TNIK: variants seen among roughly 807,000 people sequenced by gnomAD.
TNIK encodes the protein TRAF2 and NCK interacting kinase.
Under a neutral mutation model 191.3 loss-of-function variants are expected in TNIK, and 49 were observed. The observed-to-expected ratio is 0.26, with a 90% CI of 0.20 to 0.32. The LOEUF (loss-of-function observed/expected upper bound fraction) is 0.32. Ranked by LOEUF, TNIK falls within the 10% of genes least tolerant of loss-of-function variation. The probability of loss-of-function intolerance (pLI) is 1.00; values close to 1 mark genes in which losing one functional copy is unlikely to be tolerated. For synonymous variants in TNIK, 594 were observed against 600.9 expected (o/e 0.99, Z 0.17); for missense variants, 1,155 against 1,702.3 (o/e 0.68, Z 5.66).
At chr3:171,227,130 T>G (rs905120851) in intron 3 of TNIK, among the ~76,000 whole-genome samples, 1 of 152,194 alleles carries the variant, frequency 6.6e-6, no homozygotes, top group East Asian at 1.9e-4. Context: ...ATGCCTTTGA[T>G]GTCCAGTGAA....
At chr3:171,234,519 A>G (rs776127752) in intron 2 of TNIK, among the ~76,000 whole-genome samples, 15 of 152,174 alleles carry the variant, frequency 9.9e-5, no homozygotes, top group Non-Finnish European at 2.2e-4. Context: ...CCTCTGAGTG[A>G]CAGAAAATGG....
At chr3:171,172,468 TTAAAG>T (rs1340938079) in intron 9 of TNIK, among the ~76,000 whole-genome samples, 2 of 152,218 alleles carry the variant, frequency 1.3e-5, no homozygotes, top group Non-Finnish European at 2.9e-5. Flanking sequence ...CTAGAGTCTA[TTAAAG>T]TAAACCCTAA....
intron 2 of TNIK, among the ~76,000 whole-genome samples, chr3:171,321,750 C>T (rs6798267): frequency 0.3 from 45,430 of 151,958 alleles, 6,908 homozygotes; most frequent in South Asian, 0.37. Context: ...TAGAAAGTAG[C>T]GAGATATGAA....
intron 18 of TNIK, among the ~76,000 whole-genome samples, chr3:171,118,160 A>C (rs1397741552): frequency 1.3e-5 from 2 of 152,150 alleles, no homozygotes; most frequent in Admixed American, 6.5e-5. Context: ...AGACAGAGAG[A>C]CAAATCATGA....
chr3:171,109,079 A>G (rs1235392597), intron 19 of TNIK, among the ~76,000 whole-genome samples: 1 of 152,246 alleles, frequency 6.6e-6, no homozygotes, highest in Non-Finnish European at 1.5e-5. Flanking sequence ...TTAAAATGGT[A>G]TGCGTTTAAG....
At chr3:171,430,647 C>CAAAAAAAAAA (rs34307433) in intron 1 of TNIK, among the ~76,000 whole-genome samples, 2 of 113,974 alleles carry the variant, frequency 1.8e-5, no homozygotes, top group East Asian at 3.9e-4. Flanking sequence ...AAAAAACAGA[C>CAAAAAAAAAA]AAAAAAAAAA....
intron 1 of TNIK, among the ~76,000 whole-genome samples, chr3:171,405,005 A>T (rs989529063): frequency 7.9e-5 from 12 of 152,224 alleles, no homozygotes; most frequent in African/African-American, 2.7e-4. Flanking sequence ...TACACTTTGA[A>T]AATCAATAAA....
intron 12 of TNIK, among the ~76,000 whole-genome samples, chr3:171,141,189 A>AATT (rs879464121): frequency 0.058 from 8,820 of 152,282 alleles, 310 homozygotes; most frequent in Middle Eastern, 0.13. Flanking sequence ...CCATGCCTCC[A>AATT]ACAGTGGACA....
chr3:171,276,731 C>T (rs1159948696), intron 2 of TNIK, among the ~76,000 whole-genome samples: 1 of 151,980 alleles, frequency 6.6e-6, no homozygotes, highest in Non-Finnish European at 1.5e-5. Flanking sequence ...CCTAATTTTA[C>T]AAAGTAGGGA....
chr3:171,198,744 G>T (rs894946584), intron 4 of TNIK, among the ~76,000 whole-genome samples: 13 of 152,140 alleles, frequency 8.5e-5, no homozygotes, highest in Non-Finnish European at 1.8e-4. Context: ...ACAATACAAA[G>T]TTAAAGAAAG....
At chr3:171,447,472 A>C (rs948955083) in intron 1 of TNIK, among the ~76,000 whole-genome samples, 3 of 152,238 alleles carry the variant, frequency 2.0e-5, no homozygotes, top group Non-Finnish European at 2.9e-5. Flanking sequence ...TCAGGGTGAT[A>C]ATACAACAGA....
intron 7 of TNIK, among the ~76,000 whole-genome samples, chr3:171,185,177 C>CTGTG (rs879495222): frequency 0.014 from 1,687 of 118,016 alleles, 32 homozygotes; most frequent in African/African-American, 0.06. Flanking sequence ...TATAGATTTC[C>CTGTG]CGTGTGTGTG....
intron 2 of TNIK, among the ~76,000 whole-genome samples, chr3:171,254,493 T>C (rs147912497): frequency 6.6e-6 from 1 of 152,328 alleles, no homozygotes; most frequent in African/African-American, 2.4e-5. Flanking sequence ...CCTGCAACTG[T>C]AAATTCAGTT....
intron 22 of TNIK, among the ~76,000 whole-genome samples, chr3:171,097,591 A>G (rs778168586): frequency 6.6e-6 from 1 of 152,180 alleles, no homozygotes; most frequent in African/African-American, 2.4e-5. Flanking sequence ...TGATGGTTTT[A>G]TAAAGGGCAG....
At chr3:171,146,040 T>G (rs1473798607) in intron 12 of TNIK, among the ~76,000 whole-genome samples, 1 of 152,182 alleles carries the variant, frequency 6.6e-6, no homozygotes, top group African/African-American at 2.4e-5. Context: ...CTCAGAAAGC[T>G]TGTCTGAGTA....
intron 1 of TNIK, among the ~76,000 whole-genome samples, chr3:171,447,052 G>T (rs369996996): frequency 1.3e-5 from 2 of 152,024 alleles, no homozygotes; most frequent in African/African-American, 4.8e-5. Context: ...TTAGTTGGGC[G>T]TGGTGGCGAG....
chr3:171,200,278 G>A (rs894615028), intron 4 of TNIK, among the ~76,000 whole-genome samples: 3 of 152,202 alleles, frequency 2.0e-5, no homozygotes, highest in Non-Finnish European at 2.9e-5. Flanking sequence ...TCAAGTTGAA[G>A]GTGGTTGGGG....
At chr3:171,421,742 T>TTTTC (rs1723830445) in intron 1 of TNIK, among the ~76,000 whole-genome samples, 1 of 144,574 alleles carries the variant, frequency 6.9e-6, no homozygotes, top group African/African-American at 2.6e-5. Context: ...TTTTTTTTTT[T>TTTTC]TTTTTTTGAG....
intron 2 of TNIK, among the ~76,000 whole-genome samples, chr3:171,327,050 A>G (rs1755849792): frequency 6.6e-6 from 1 of 152,198 alleles, no homozygotes; most frequent in African/African-American, 2.4e-5. Context: ...TGGTAAAGAA[A>G]AGACAAAAGC....
Sources: allele counts gnomAD v4.1 joint callset (sites outside exome capture counted in the v4.1 genomes callset), GRCh38; gene constraint gnomAD v4.1.1; transcripts MANE v1.5; gene names NCBI Gene and HGNC (gene_info 2026-07-23, HGNC 2026-07-21).